The following NTHL1 variants were observed in gnomAD, a reference collection of about 807,000 sequenced individuals.
NTHL1 encodes endonuclease III-like protein 1.
NTHL1 carries 32 observed loss-of-function variants against 32.3 expected under a neutral mutation model. The observed-to-expected ratio is 0.99, with a 90% CI of 0.75 to 1.33. The LOEUF (loss-of-function observed/expected upper bound fraction) is 1.33, where lower values mean the gene tolerates loss of function less well. Ranked by LOEUF, NTHL1 falls within the 40% of genes most tolerant of loss-of-function variation. The probability of loss-of-function intolerance (pLI) is 0.00; values close to 1 mark genes in which losing one functional copy is unlikely to be tolerated. For missense variants in NTHL1, 501 were observed against 414.1 expected, an observed-to-expected ratio of 1.21 and a Z score of -1.82; for synonymous variants, 188 against 176.9, an observed-to-expected ratio of 1.06 and a Z score of -0.50.
rs897790012 is a variant in NTHL1, at chr16:2,043,881, C to T, written c.526-155G>A. On this transcript the variant is annotated intron_variant, in intron 3 of 5. Transcript: ENST00000651570. This position sits in a 1 kb window ranked among gnomAD's most constrained non-coding sequence, Gnocchi z 4.4. ...CCGCCCCCCAGGAGGCGGGAACAAG[C>T]GGAGGGCAGCAGGGAGGCCCAAGGT... 6 of 853,922 alleles carry T rather than the reference C, an allele frequency of 7.0e-6. No individual in the cohort carries two copies. Among genetic ancestry groups the T allele is most frequent in the Admixed American group, 2.2e-5 (1 of 46,374 alleles). 52.9% of individuals were successfully genotyped at this position (853,922 alleles called of 1,614,324 possible).
chr16:2,044,645 G>A lies in NTHL1; in HGVS notation c.510C>T (p.Pro170=), dbSNP rs201980301. Residue 170 remains proline (P), a synonymous_variant, in exon 3 of 6, where the codon CCC becomes CCT. Transcript: ENST00000651570. This position sits in a 1 kb window ranked among gnomAD's most constrained non-coding sequence, Gnocchi z 5.0. ...DDATLGKLIY[P]VGFWRSKVKY... ...CAGGGCTCACCCTCCAGAAACCGAC[G>A]GGGTAGATGAGCTTGCCCAGCGTGG... 23 of 1,606,438 alleles carry A rather than the reference G, an allele frequency of 1.4e-5. No homozygotes were observed. In the Admixed American group the frequency reaches 2.0e-4, roughly 14 times the overall value.
Position 2,043,302 on chromosome 16 carries a change from TTC to T in NTHL1, c.685+263_685+264del, listed in dbSNP as rs1712997923. On this transcript the variant is annotated intron_variant, in intron 4 of 5. Coordinates refer to ENST00000651570, the MANE Select transcript of NTHL1 (RefSeq NM_002528.7). This position sits in a 1 kb window ranked among gnomAD's most constrained non-coding sequence, Gnocchi z 4.4. ...GAGTGGGGAATTCCTCGCTCCACATTTCTCCCGAATACAACGCAGATGGAGTC... is the reference window on the plus strand; with the variant it reads ...GAGTGGGGAATTCCTCGCTCCACATTTCCCGAATACAACGCAGATGGAGTC... Among the ~76,000 whole-genome samples, 1 of 151,980 alleles carries T rather than the reference TTC, an allele frequency of 6.6e-6. No homozygotes were observed. Among genetic ancestry groups the T allele is most frequent in the African/African-American group, 2.4e-5 (1 of 41,404 alleles).
At chr16:2,047,324 G>C in intron 1 of NTHL1, 1 of 281,766 alleles carries the variant, frequency 3.5e-6, no homozygotes, top group Non-Finnish European at 6.8e-6. Context: ...ACCCTCCCCC[G>C]AGCTGGGGGA....
At chr16:2,047,582 A>G in intron 1 of NTHL1, 127 bp downstream of exon 1, 1 of 1,396,306 alleles carries the variant, frequency 7.2e-7, no homozygotes, top group South Asian at 1.5e-5. Flanking sequence ...GCACGTGGGA[A>G]CCGTTCGCGG....
rs918315881 is a variant in NTHL1 at position 2,043,276 on chromosome 16, C to T, written c.685+291G>A. Among the ~76,000 whole-genome samples, 5 of 152,114 alleles carry T rather than the reference C, an allele frequency of 3.3e-5. No individual in the cohort carries two copies. The East Asian group carries it at 7.9e-4, about 24-fold the overall frequency. On this transcript the variant is annotated intron_variant, in intron 4 of 5. Coordinates refer to ENST00000651570, the MANE Select transcript of NTHL1 (RefSeq NM_002528.7). The surrounding 1 kb of genome is among the most constrained non-coding windows in gnomAD (Gnocchi z 4.4). ...CACAACCATCAGGGTTTCCACTCCA[C>T]GAGTGGGGAATTCCTCGCTCCACAT...
At position 2,043,360 on chromosome 16, in the gene NTHL1, C is replaced by T. The variant is rs557314934; in HGVS notation, c.685+207G>A. ...CCGGGGCCTCTCTCAGAGCCCTGCA[C>T]GGAGCAGGTGCTCAGCCCATGTGAC... On this transcript the variant is annotated intron_variant, in intron 4 of 5. Transcript: ENST00000651570. The surrounding 1 kb of genome is among the most constrained non-coding windows in gnomAD (Gnocchi z 4.4). The T allele has an allele frequency of 5.3e-5, 34 of 639,972 alleles. No individual in the cohort carries two copies. In the East Asian group the frequency reaches 6.6e-4, roughly 12 times the overall value. The allele number at this position is 639,972 out of a possible 1,614,324, so 39.6% of individuals were successfully genotyped here.
intron 2 of NTHL1, 28 bp downstream of exon 2, chr16:2,046,100 C>T: frequency 6.3e-7 from 1 of 1,574,934 alleles, no homozygotes; most frequent in Non-Finnish European, 8.7e-7. Flanking sequence ...GATGGGGGGT[C>T]ATCTGGGCAG....
rs200359356 is a variant in NTHL1, at chr16:2,044,608, C to T, written c.525+22G>A. 17 of 1,599,812 alleles carry T rather than the reference C, an allele frequency of 1.1e-5. No homozygotes were observed. In the East Asian group the frequency reaches 1.6e-4, roughly 15 times the overall value. ...TCTCAGGCCACTGCCACCCGGCCCC[C>T]GTTGCCACAGGCAGGGCTCACCCTC... On this transcript the variant is annotated intron_variant, in intron 3 of 5. Coordinates refer to ENST00000651570, the MANE Select transcript of NTHL1 (RefSeq NM_002528.7). The surrounding 1 kb of genome is among the most constrained non-coding windows in gnomAD (Gnocchi z 5.0).
rs2084304338 is a variant in NTHL1 at position 2,043,885 on chromosome 16, G to A, written c.526-159C>T. 3.7e-6 allele frequency: 3 copies of A among 818,356 alleles called. No homozygotes were observed. The highest frequency in any genetic ancestry group is 5.9e-6 in the Non-Finnish European group (3 of 511,552). 50.7% of individuals were successfully genotyped at this position (818,356 alleles called of 1,614,324 possible). ...CCCCCAGGAGGCGGGAACAAGCGGA[G>A]GGCAGCAGGGAGGCCCAAGGTAGGC... On this transcript the variant is annotated intron_variant, in intron 3 of 5. Transcript: ENST00000651570. The surrounding 1 kb of genome is among the most constrained non-coding windows in gnomAD (Gnocchi z 4.4).
Position 2,047,762 on chromosome 16 carries a change from G to A in NTHL1, c.62C>T (p.Pro21Leu), listed in dbSNP as rs753200685. Residue 21 changes from proline to leucine, a missense_variant, in exon 1 of 6, where the codon CCG (proline) becomes CTG (leucine). Transcript: ENST00000651570. Reference protein sequence around the residue: ...RSRSLGPGAGPRGCREEPGPL... With the variant: ...RSRSLGPGAGLRGCREEPGPL... ...CCCGGGCTCCTCCCTACACCCCCGC[G>A]GCCCAGCCCCGGGTCCCAGGCTCCG... The A allele has an allele frequency of 6.3e-7, 1 of 1,586,964 alleles. No homozygotes were observed. Among genetic ancestry groups the A allele is most frequent in the Non-Finnish European group, 8.5e-7 (1 of 1,172,246 alleles).
Position 2,046,174 on chromosome 16 carries a change from T to C in NTHL1, c.308A>G (p.Asp103Gly), listed in dbSNP as rs747659604. 1 of 1,613,238 alleles carries C rather than the reference T, an allele frequency of 6.2e-7. No individual in the cohort carries two copies. Among genetic ancestry groups the C allele is most frequent in the Admixed American group, 1.7e-5 (1 of 60,028 alleles). Residue 103 changes from aspartate (D) to glycine (G), a missense_variant, in exon 2 of 6, where the codon GAC becomes GGC. Coordinates refer to ENST00000651570, the MANE Select transcript of NTHL1 (RefSeq NM_002528.7). ...ATAGCAGTGCTCAGTCCCCAGATGGTCCACAGGTGCATCCTTTTTGTTCCT... is the reference window on the plus strand; with the variant it reads ...ATAGCAGTGCTCAGTCCCCAGATGGCCCACAGGTGCATCCTTTTTGTTCCT... ...AMRNKKDAPV[D>G]HLGTEHCYDS...
rs2084320980 is a variant in NTHL1 at position 2,044,827 on chromosome 16, G to A, written c.355-27C>T. On this transcript the variant is annotated intron_variant, in intron 2 of 5. Transcript: ENST00000651570. The surrounding 1 kb of genome is among the most constrained non-coding windows in gnomAD (Gnocchi z 5.0). ...TGCTTGTGCAGTGACAGGGACCGGG[G>A]TGGCGGCGGGTCCTGGGTGATTCCC... The A allele has an allele frequency of 6.4e-7, 1 of 1,561,142 alleles. No individual in the cohort carries two copies. The highest frequency in any genetic ancestry group is 8.7e-7 in the Non-Finnish European group (1 of 1,151,202).
At chr16:2,045,236 C>G (rs1375687559) in intron 2 of NTHL1, among the ~76,000 whole-genome samples, 3 of 151,906 alleles carry the variant, frequency 2.0e-5, no homozygotes, top group Non-Finnish European at 4.4e-5. Flanking sequence ...ACTCGGGAGG[C>G]CGAGGCAGGA....
chr16:2,039,916 T>C lies in NTHL1; in HGVS notation c.*8A>G. On this transcript the variant is annotated 3_prime_UTR_variant, in exon 6 of 6. Transcript: ENST00000651570. ...CACAGCGGCACCTCGGCCAGAGCCA[T>C]GCGGCCATCAGAGACCCTGGGCGGC... is the stretch of plus-strand genomic sequence containing the variant. 1 of 1,600,620 alleles carries C rather than the reference T, an allele frequency of 6.2e-7. No homozygotes were observed. Among genetic ancestry groups the C allele is most frequent in the African/African-American group, 1.3e-5 (1 of 75,010 alleles).
rs896785227 is a variant in NTHL1 at position 2,042,715 on chromosome 16, G to A, written c.685+852C>T. On this transcript the variant is annotated intron_variant, in intron 4 of 5. Coordinates refer to ENST00000651570, the MANE Select transcript of NTHL1 (RefSeq NM_002528.7). ...TGCACCCAACTGCCAAGAAGCCTCC[G>A]GTGCTAGGAAGAGACACCAGGACCT... Among the ~76,000 whole-genome samples, 47 of 152,002 alleles carry A rather than the reference G, an allele frequency of 3.1e-4. 1 individual carries two copies. The highest frequency in any genetic ancestry group is 2.4e-4 in the African/African-American group (10 of 41,368).
At chr16:2,041,028 G>A (rs1396742546) in intron 4 of NTHL1, among the ~76,000 whole-genome samples, 4 of 152,244 alleles carry the variant, frequency 2.6e-5, no homozygotes, top group Non-Finnish European at 5.9e-5. Context: ...GGCCACCCCA[G>A]GCGTCTGCTC....
chr16:2,041,138 C>T (rs1596217414), intron 4 of NTHL1, among the ~76,000 whole-genome samples: 1 of 152,250 alleles, frequency 6.6e-6, no homozygotes, highest in East Asian at 1.9e-4. Context: ...AGGCCTGCAC[C>T]AGCTCCTTCG....
chr16:2,047,600 G>A, intron 1 of NTHL1, 109 bp downstream of exon 1: 2 of 1,438,732 alleles, frequency 1.4e-6, no homozygotes, highest in Non-Finnish European at 9.1e-7. Context: ...CGGCTGCCGG[G>A]TTTGCAGCCC....
At position 2,039,918 on chromosome 16, in the gene NTHL1, C is replaced by G. The variant is rs749620192; in HGVS notation, c.*6G>C. ...CAGCGGCACCTCGGCCAGAGCCATGCGGCCATCAGAGACCCTGGGCGGCCG... is the reference window on the plus strand; with the variant it reads ...CAGCGGCACCTCGGCCAGAGCCATGGGGCCATCAGAGACCCTGGGCGGCCG... On this transcript the variant is annotated 3_prime_UTR_variant, in exon 6 of 6. Coordinates refer to ENST00000651570, the MANE Select transcript of NTHL1 (RefSeq NM_002528.7). 1 of 1,600,798 alleles carries G rather than the reference C, an allele frequency of 6.2e-7. No individual in the cohort carries two copies. Among genetic ancestry groups the G allele is most frequent in the East Asian group, 2.2e-5 (1 of 44,872 alleles).
Sources: allele counts gnomAD v4.1 joint callset (sites outside exome capture counted in the v4.1 genomes callset), GRCh38; gene constraint gnomAD v4.1.1; non-coding constraint Gnocchi (gnomAD v3.1); transcripts MANE v1.5; gene names NCBI Gene and HGNC (gene_info 2026-07-23, HGNC 2026-07-21).